The following KLHL5 variants were observed in gnomAD, a reference collection of about 807,000 sequenced individuals.
KLHL5 encodes the protein kelch-like protein 5.
In KLHL5, 48 loss-of-function variants were observed where a neutral mutation model predicts 77.7. The ratio of observed to expected loss-of-function variants is 0.62; its 90% CI spans 0.49 to 0.79. The LOEUF is 0.79. KLHL5 is among the 30% of genes least tolerant of loss of function. The pLI is 0.00. For synonymous variants in KLHL5, 260 were observed against 297.0 expected, an observed-to-expected ratio of 0.88 and a Z score of 1.28; for missense variants, 723 against 859.7, an observed-to-expected ratio of 0.84 and a Z score of 1.99.
intron 6 of KLHL5, among the ~76,000 whole-genome samples, chr4:39,099,104 G>A (rs530606311): frequency 1.6e-4 from 25 of 151,988 alleles, no homozygotes; most frequent in African/African-American, 5.1e-4. Flanking sequence ...CCAACATGGC[G>A]AAACCCCATC....
chr4:39,073,066 A>C (rs977066499), intron 1 of KLHL5, among the ~76,000 whole-genome samples: 2 of 152,204 alleles, frequency 1.3e-5, no homozygotes, highest in Admixed American at 1.3e-4. Context: ...CTATAAATAT[A>C]TATAATTGTT....
chr4:39,086,930 A>C (rs1160181899), intron 5 of KLHL5, among the ~76,000 whole-genome samples: 1 of 22,862 alleles, frequency 4.4e-5, no homozygotes, highest in East Asian at 1.5e-3. Flanking sequence ...TTTTTTTTTG[A>C]GATGGAGTCT....
chr4:39,058,389 G>T (rs561782092), upstream of KLHL5, among the ~76,000 whole-genome samples: 1 of 152,230 alleles, frequency 6.6e-6, no homozygotes, highest in Non-Finnish European at 1.5e-5. Context: ...ACTTTAGGGG[G>T]CCATGGCGGG....
At chr4:39,047,156 G>A (rs916121045) in intron 1 of KLHL5, among the ~76,000 whole-genome samples, 2 of 152,264 alleles carry the variant, frequency 1.3e-5, no homozygotes, top group South Asian at 4.1e-4. Flanking sequence ...GGTGGCTCAC[G>A]CCTGTAATTC....
intron 1 of KLHL5, among the ~76,000 whole-genome samples, chr4:39,065,780 C>T (rs375361399): frequency 6.8e-6 from 1 of 147,436 alleles, no homozygotes; most frequent in South Asian, 2.2e-4. Context: ...AAATGTTAGA[C>T]ATAATGAAGA....
At chr4:39,045,635 T>C (rs904312260) in intron 1 of KLHL5, among the ~76,000 whole-genome samples, 1 of 152,102 alleles carries the variant, frequency 6.6e-6, no homozygotes, top group Admixed American at 6.5e-5. Context: ...GGTGAAACTT[T>C]TGCATTTAGG....
In KLHL5 at chr4:39,082,153, T is replaced by C. The variant is rs1719676194; in HGVS notation, c.894T>C (p.Tyr298=). ...CTDLHKVAHN[Y]TMEHFMEVIR... ...ATTTGCATAAAGTGGCTCACAATTA[T>C]ACTATGGTATGTATTTTTTGAAGGT... Residue 298 remains tyrosine, a synonymous_variant, in exon 4 of 11, where the codon TAT becomes TAC. Transcript: ENST00000504108. 1 of 1,591,632 alleles carries C rather than the reference T, an allele frequency of 6.3e-7. No homozygotes were observed. Among genetic ancestry groups the C allele is most frequent in the Non-Finnish European group, 8.5e-7 (1 of 1,170,096 alleles).
upstream of KLHL5, chr4:39,044,927 G>A (rs911675214): frequency 3.1e-6 from 3 of 979,926 alleles, no homozygotes; most frequent in East Asian, 1.2e-4. Context: ...GGAGTGGCTC[G>A]CTCCGGGCCG....
chr4:39,105,737 T>TAC lies in KLHL5; in HGVS notation c.1526-1796_1526-1795dup, dbSNP rs10536180. ...ACACATATATGTGTGTATATATGTATACACACACACACACACACACACACA... is the reference window on the plus strand; with the variant it reads ...ACACATATATGTGTGTATATATGTATACACACACACACACACACACACACACA... On this transcript the variant is annotated intron_variant, in intron 7 of 10. Transcript: ENST00000504108. Among the ~76,000 whole-genome samples the TAC allele has an allele frequency of 9.3e-3, 1,358 of 146,688 alleles. 8 individuals carry two copies. The highest frequency in any genetic ancestry group is 0.019 in the Admixed American group (274 of 14,658).
downstream of KLHL5, among the ~76,000 whole-genome samples, chr4:39,127,317 CA>C (rs35744556): frequency 0.54 from 77,469 of 144,246 alleles, 20,452 homozygotes; most frequent in Non-Finnish European, 0.6. Flanking sequence ...GACCTTGTGT[CA>C]AAAAAAAAAA....
chr4:39,061,525 G>A (rs758440770), upstream of KLHL5, among the ~76,000 whole-genome samples: 11 of 152,148 alleles, frequency 7.2e-5, no homozygotes, highest in Non-Finnish European at 1.6e-4. Context: ...CCCTGACAAT[G>A]CCTAGTAGAT....
At chr4:39,093,976 C>A (rs991348082) in intron 5 of KLHL5, among the ~76,000 whole-genome samples, 1 of 152,000 alleles carries the variant, frequency 6.6e-6, no homozygotes, top group Non-Finnish European at 1.5e-5. Context: ...CTAAATGTTA[C>A]AGCAACTATT....
At chr4:39,071,346 A>C (rs573987473) in intron 1 of KLHL5, among the ~76,000 whole-genome samples, 1 of 151,740 alleles carries the variant, frequency 6.6e-6, no homozygotes, top group African/African-American at 2.4e-5. Context: ...GTTTCGGAAG[A>C]GCTTTTTTTC....
At chr4:39,130,234 T>G (rs754560824), downstream of KLHL5, among the ~76,000 whole-genome samples, 1 of 152,178 alleles carries the variant, frequency 6.6e-6, no homozygotes, top group Non-Finnish European at 1.5e-5. Flanking sequence ...TCTGTAGATA[T>G]TAAATTAACA....
chr4:39,082,340 C>T (rs1463797588), intron 4 of KLHL5, among the ~76,000 whole-genome samples, 181 bp downstream of exon 4: 1 of 152,142 alleles, frequency 6.6e-6, no homozygotes, highest in Non-Finnish European at 1.5e-5. Flanking sequence ...TAATACTTCT[C>T]GTGGGTATCT....
At chr4:39,114,845 G>A (rs900457926) in intron 9 of KLHL5, among the ~76,000 whole-genome samples, 1 of 152,082 alleles carries the variant, frequency 6.6e-6, no homozygotes, top group Non-Finnish European at 1.5e-5. Context: ...ATGATTGAGG[G>A]TGTAAGTCAT....
chr4:39,109,632 T>G (rs1330847181), intron 8 of KLHL5, among the ~76,000 whole-genome samples: 1 of 124,544 alleles, frequency 8.0e-6, no homozygotes, highest in African/African-American at 2.7e-5. Context: ...TTTTTCTTTT[T>G]TTTTCTTTTT....
intron 1 of KLHL5, among the ~76,000 whole-genome samples, chr4:39,069,465 TATATATATAC>T (rs1346286014): frequency 0.019 from 1,096 of 58,558 alleles, 4 homozygotes; most frequent in Middle Eastern, 0.029. Flanking sequence ...TATATATATA[TATATATATAC>T]ACACACACAC....
intron 1 of KLHL5, among the ~76,000 whole-genome samples, chr4:39,069,568 A>AT (rs1718279187): frequency 6.9e-6 from 1 of 144,602 alleles, no homozygotes; most frequent in African/African-American, 2.6e-5. Flanking sequence ...ATATATATAT[A>AT]AACCATAGAG....
Sources: gnomAD v4.1 joint callset for allele counts (sites outside exome capture counted in the v4.1 genomes callset) on GRCh38, gnomAD v4.1.1 for gene constraint, MANE v1.5 for transcripts, NCBI Gene and HGNC (gene_info 2026-07-23, HGNC 2026-07-21) for gene names.